HDAC4: variants seen among roughly 807,000 people sequenced by gnomAD.
HDAC4 encodes the protein histone deacetylase 4.
A neutral mutation model predicts 135.1 loss-of-function variants in HDAC4; 16 were observed. The ratio of observed to expected loss-of-function variants is 0.12; its 90% CI spans 0.08 to 0.18. The LOEUF is 0.18. Among genes scored for constraint, HDAC4 ranks in the 10% least tolerant of loss-of-function variants. The pLI, the probability that HDAC4 is intolerant of heterozygous loss-of-function variation, is 1.00. For synonymous variants in HDAC4, 685 were observed against 653.4 expected (o/e 1.05, Z -0.74); for missense variants, 1,143 against 1,511.8 (o/e 0.76, Z 4.05).
In HDAC4 at chr2:239,090,368, C is replaced by G. The variant is rs571339408; in HGVS notation, c.2281-252G>C. Reference sequence around the variant, plus strand: ...TCCTGACCTGTTCTGAGGCATCCTCCTTTCCCTCAATTGCTTCAGTATACT... The same window carrying G: ...TCCTGACCTGTTCTGAGGCATCCTCGTTTCCCTCAATTGCTTCAGTATACT... On this transcript the variant is annotated intron_variant, in intron 17 of 26. Transcript: ENST00000543185. Among the ~76,000 whole-genome samples the G allele has an allele frequency of 2.0e-5, 3 of 151,916 alleles. No individual in the cohort carries two copies. The East Asian group carries it at 5.8e-4, about 29-fold the overall frequency.
At chr2:239,178,976 G>A (rs1184137551) in intron 4 of HDAC4, among the ~76,000 whole-genome samples, 1 of 151,160 alleles carries the variant, frequency 6.6e-6, no homozygotes, top group South Asian at 2.1e-4. Flanking sequence ...GAGTGCGTGC[G>A]AGGCAGCCAC....
intron 2 of HDAC4, among the ~76,000 whole-genome samples, chr2:239,278,003 C>CCCAGCCACACACT (rs1455863202): frequency 4.6e-5 from 7 of 151,938 alleles, no homozygotes; most frequent in African/African-American, 1.2e-4. Context: ...AGCCACACAC[C>CCCAGCCACACACT]CCAGCCACAC....
chr2:239,055,960 G>A (rs1412755716), intron 24 of HDAC4, among the ~76,000 whole-genome samples: 1 of 152,188 alleles, frequency 6.6e-6, no homozygotes, highest in African/African-American at 2.4e-5. Flanking sequence ...GCACGACGAC[G>A]TGTCAAACAG....
chr2:239,150,330 G>A (rs1246876795), intron 7 of HDAC4, among the ~76,000 whole-genome samples: 1 of 150,810 alleles, frequency 6.6e-6, no homozygotes, highest in Non-Finnish European at 1.5e-5. Flanking sequence ...CAGAAACACA[G>A]ATACAGAAAC....
intron 12 of HDAC4, among the ~76,000 whole-genome samples, chr2:239,122,729 A>T (rs1477532631): frequency 6.6e-6 from 1 of 152,240 alleles, no homozygotes; most frequent in Non-Finnish European, 1.5e-5. Context: ...GCTGCAGGGA[A>T]CACCAGGGCT....
chr2:239,213,945 A>G (rs1317442116), intron 3 of HDAC4, among the ~76,000 whole-genome samples: 1 of 152,218 alleles, frequency 6.6e-6, no homozygotes, highest in African/African-American at 2.4e-5. Context: ...TGAGGCAGGG[A>G]GGTAGAGAAA....
At chr2:239,210,514 T>C (rs2046306795) in intron 3 of HDAC4, among the ~76,000 whole-genome samples, 1 of 152,180 alleles carries the variant, frequency 6.6e-6, no homozygotes, top group Admixed American at 6.5e-5. Context: ...GAGTGGTGAA[T>C]GGCTTTACTA....
chr2:239,263,328 C>T (rs1055409654), intron 2 of HDAC4, among the ~76,000 whole-genome samples: 10 of 143,266 alleles, frequency 7.0e-5, no homozygotes, highest in Non-Finnish European at 1.5e-4. Context: ...GACCCCCGCC[C>T]ATCCCAGCCC....
intron 3 of HDAC4, among the ~76,000 whole-genome samples, chr2:239,230,106 C>T (rs116475570): frequency 0.011 from 1,668 of 152,130 alleles, 11 homozygotes; most frequent in Middle Eastern, 0.024. Context: ...CGTGAGATCG[C>T]TGTTTTGATG....
intron 2 of HDAC4, among the ~76,000 whole-genome samples, chr2:239,271,829 C>A (rs2050076245): frequency 6.6e-6 from 1 of 152,158 alleles, no homozygotes; most frequent in Admixed American, 6.5e-5. Context: ...AAGATGTCCA[C>A]CTGGAAGTTA....
chr2:239,327,064 A>G (rs2053492544), intron 2 of HDAC4, among the ~76,000 whole-genome samples: 1 of 152,216 alleles, frequency 6.6e-6, no homozygotes, highest in African/African-American at 2.4e-5. Context: ...CCTGACTAGG[A>G]TGATTCACCA....
At chr2:239,075,965 C>T (rs1559378033) in intron 22 of HDAC4, among the ~76,000 whole-genome samples, 1 of 150,828 alleles carries the variant, frequency 6.6e-6, no homozygotes, top group Non-Finnish European at 1.5e-5. Context: ...CAGCCACTCC[C>T]CTCAGCTTCC....
intron 22 of HDAC4, among the ~76,000 whole-genome samples, chr2:239,079,318 G>C (rs1232324371): frequency 6.6e-6 from 1 of 152,208 alleles, no homozygotes; most frequent in Non-Finnish European, 1.5e-5. Flanking sequence ...GGGAAAAGTG[G>C]TTCAGGTACA....
intron 1 of HDAC4, among the ~76,000 whole-genome samples, chr2:239,358,934 C>A (rs905479299): frequency 2.0e-5 from 3 of 152,182 alleles, no homozygotes; most frequent in African/African-American, 7.2e-5. Flanking sequence ...CCAAAGTTAT[C>A]AGGTGAGTGC....
chr2:239,172,498 C>A (rs941041318), intron 5 of HDAC4, among the ~76,000 whole-genome samples: 1 of 151,782 alleles, frequency 6.6e-6, no homozygotes, highest in African/African-American at 2.4e-5. Flanking sequence ...TTGTGGGATG[C>A]AGATAAAGTT....
At chr2:239,280,884 CCACA>C (rs1403994558) in intron 2 of HDAC4, among the ~76,000 whole-genome samples, 3 of 147,132 alleles carry the variant, frequency 2.0e-5, no homozygotes, top group East Asian at 4.1e-4. Flanking sequence ...ACACCACTCT[CCACA>C]CAATGTACAC....
chr2:239,355,711 T>C (rs373859033), intron 1 of HDAC4, among the ~76,000 whole-genome samples: 3 of 152,234 alleles, frequency 2.0e-5, no homozygotes, highest in African/African-American at 7.2e-5. Context: ...GGTTTGTTTC[T>C]GTTTATTTAT....
At chr2:239,390,310 CTGTT>C (rs1248106924) in intron 1 of HDAC4, among the ~76,000 whole-genome samples, 1 of 152,170 alleles carries the variant, frequency 6.6e-6, no homozygotes, top group Non-Finnish European at 1.5e-5. Flanking sequence ...GGTGGGCAGA[CTGTT>C]TGAGCCCAGG....
At chr2:239,370,722 G>A (rs1694548171) in intron 1 of HDAC4, among the ~76,000 whole-genome samples, 1 of 152,258 alleles carries the variant, frequency 6.6e-6, no homozygotes, top group Non-Finnish European at 1.5e-5. Flanking sequence ...TGCGGCGCCT[G>A]GAGGAGCCGA....
Sources: allele counts gnomAD v4.1 joint callset (sites outside exome capture counted in the v4.1 genomes callset), GRCh38; gene constraint gnomAD v4.1.1; transcripts MANE v1.5; gene names NCBI Gene and HGNC (gene_info 2026-07-23, HGNC 2026-07-21).